UBR3: variants seen among roughly 807,000 people sequenced by gnomAD.
UBR3 encodes the protein E3 ubiquitin-protein ligase UBR3.
UBR3 carries 85 observed loss-of-function variants against 243.2 expected under a neutral mutation model. The observed-to-expected ratio is 0.35, with a 90% CI of 0.29 to 0.42. The LOEUF (loss-of-function observed/expected upper bound fraction) is 0.42. UBR3 is among the 10% of genes least tolerant of loss of function. The probability of loss-of-function intolerance (pLI) is 1.00; values close to 1 mark genes in which losing one functional copy is unlikely to be tolerated. For missense variants in UBR3, 1,686 were observed against 2,300.8 expected (o/e 0.73, Z 5.47); for synonymous variants, 748 against 799.8 (o/e 0.94, Z 1.09).
chr2:170,058,337 A>C (rs978157738), intron 33 of UBR3, among the ~76,000 whole-genome samples: 4 of 152,032 alleles, frequency 2.6e-5, no homozygotes, highest in Non-Finnish European at 4.4e-5. Flanking sequence ...ATATTATTTG[A>C]AGGGGTGTTA....
intron 24 of UBR3, among the ~76,000 whole-genome samples, chr2:169,961,237 A>G (rs1468496720): frequency 1.3e-4 from 19 of 151,998 alleles, no homozygotes; most frequent in African/African-American, 7.3e-5. Flanking sequence ...CCTTATAGCT[A>G]TTACCTTAGG....
intron 32 of UBR3, among the ~76,000 whole-genome samples, chr2:170,042,664 G>A (rs1326974568): frequency 6.8e-6 from 1 of 147,652 alleles, no homozygotes; most frequent in Admixed American, 6.8e-5. Context: ...ACTCTAGCCT[G>A]GGTGACAGAA....
At position 170,061,303 on chromosome 2, in the gene UBR3, C is replaced by G. The variant is rs1416190416; in HGVS notation, c.4894-15C>G. On this transcript the variant is annotated splice_polypyrimidine_tract_variant and intron_variant, in intron 34 of 38. Coordinates refer to ENST00000272793, the MANE Select transcript of UBR3 (RefSeq NM_172070.4). The stretch of plus-strand genomic sequence containing the variant: ...TTGTAGACTGACTTGTTCAAATTTT[C>G]TTTTTTAACTTTAGGTTAACCCTAT... 1.9e-6 allele frequency: 3 copies of G among 1,607,834 alleles called. No homozygotes were observed. The highest frequency in any genetic ancestry group is 2.5e-6 in the Non-Finnish European group (3 of 1,178,340).
At position 169,856,135 on chromosome 2, in the gene UBR3, C is replaced by T. The variant is rs536568049; in HGVS notation, c.546-16101C>T. ...TCAGACGGGGGCAGCCGGTCAGAGA[C>T]GCTCCTCACCTCCCAGACGGGGTGG... On this transcript the variant is annotated intron_variant, in intron 1 of 38. Transcript: ENST00000272793. Among the ~76,000 whole-genome samples the T allele has an allele frequency of 4.7e-4, 69 of 146,780 alleles. 1 individual carries two copies. The highest frequency in any genetic ancestry group is 1.5e-3 in the African/African-American group (58 of 39,142).
At chr2:169,905,361 A>C in intron 9 of UBR3, 68 bp downstream of exon 9, 2 of 1,223,122 alleles carry the variant, frequency 1.6e-6, no homozygotes, top group Non-Finnish European at 2.2e-6. Flanking sequence ...ATTAAATATC[A>C]ATTAAAATAC....
At chr2:170,024,620 T>G (rs966076813) in intron 30 of UBR3, among the ~76,000 whole-genome samples, 2 of 151,840 alleles carry the variant, frequency 1.3e-5, no homozygotes, top group Non-Finnish European at 2.9e-5. Context: ...TTTTATAGAG[T>G]TTTTTTATGT....
At chr2:170,041,353 G>T (rs1016063282) in intron 32 of UBR3, among the ~76,000 whole-genome samples, 1 of 152,126 alleles carries the variant, frequency 6.6e-6, no homozygotes, top group Admixed American at 6.6e-5. Context: ...TCACTAAGAG[G>T]TAAAGACATG....
chr2:170,058,305 G>A (rs1298325916), intron 33 of UBR3, among the ~76,000 whole-genome samples: 1 of 152,012 alleles, frequency 6.6e-6, no homozygotes, highest in East Asian at 1.9e-4. Flanking sequence ...CTGGCCTATG[G>A]TAGTAAAAAT....
intron 32 of UBR3, among the ~76,000 whole-genome samples, chr2:170,049,115 AT>A (rs2105438006): frequency 6.6e-6 from 1 of 152,122 alleles, no homozygotes; most frequent in East Asian, 1.9e-4. Flanking sequence ...CACTGCACAT[AT>A]TTTTTGATTT....
At chr2:170,033,552 C>T (rs868446050) in intron 31 of UBR3, among the ~76,000 whole-genome samples, 5 of 139,542 alleles carry the variant, frequency 3.6e-5, no homozygotes, top group Non-Finnish European at 7.6e-5. Flanking sequence ...TAGGAATTTC[C>T]GGAAAATTTG....
At chr2:170,020,379 G>C (rs973391571) in intron 30 of UBR3, among the ~76,000 whole-genome samples, 1 of 152,150 alleles carries the variant, frequency 6.6e-6, no homozygotes, top group Non-Finnish European at 1.5e-5. Flanking sequence ...AATGTTTTAT[G>C]TTCTGAAGAG....
At chr2:169,942,943 A>T (rs2086646982) in intron 20 of UBR3, among the ~76,000 whole-genome samples, 1 of 152,158 alleles carries the variant, frequency 6.6e-6, no homozygotes, top group South Asian at 2.1e-4. Context: ...AGCTACAGGG[A>T]CCAAACAACC....
chr2:169,894,464 T>A (rs10211284), intron 6 of UBR3, among the ~76,000 whole-genome samples: 26,995 of 151,896 alleles, frequency 0.18, 2,650 homozygotes, highest in East Asian at 0.37. Flanking sequence ...TTTCTGTAGT[T>A]AAAATCATAA....
rs67099094 is a variant in UBR3 at position 169,933,880 on chromosome 2, T to TAAC, written c.2663+897_2663+899dup. ...AAAACCAAAACGATCTTTAAATCAATAACAACAACAACAACAACAACAACA... is the reference window on the plus strand; with the variant it reads ...AAAACCAAAACGATCTTTAAATCAATAACAACAACAACAACAACAACAACAACA... On this transcript the variant is annotated intron_variant, in intron 19 of 38. Transcript: ENST00000272793. Among the ~76,000 whole-genome samples, 1,350 of 151,378 alleles carry TAAC rather than the reference T, an allele frequency of 8.9e-3. 9 individuals carry two copies. The highest frequency in any genetic ancestry group is 0.018 in the East Asian group (92 of 5,130).
At chr2:169,987,291 C>A (rs934792179) in intron 25 of UBR3, among the ~76,000 whole-genome samples, 1 of 150,794 alleles carries the variant, frequency 6.6e-6, no homozygotes, top group Non-Finnish European at 1.5e-5. Context: ...TATTTGGGAG[C>A]CTGAGGCAGG....
chr2:169,913,948 CTA>C, intron 10 of UBR3, 110 bp from the exon 11 acceptor site: 2 of 412,306 alleles, frequency 4.9e-6, no homozygotes, highest in East Asian at 8.9e-5. Context: ...ATCTTAAAAT[CTA>C]TACATTTTAC....
At chr2:170,023,393 T>C (rs2090442637) in intron 30 of UBR3, among the ~76,000 whole-genome samples, 1 of 145,816 alleles carries the variant, frequency 6.9e-6, no homozygotes, top group Non-Finnish European at 1.5e-5. Context: ...CGATTTAAGA[T>C]AGAACCAATT....
intron 28 of UBR3, among the ~76,000 whole-genome samples, chr2:170,007,795 C>T (rs1393315502): frequency 2.0e-5 from 3 of 151,974 alleles, no homozygotes; most frequent in East Asian, 1.9e-4. Flanking sequence ...ACCCAGGAGC[C>T]GGAGGTTGCA....
At chr2:170,003,703 C>G (rs867876835) in intron 27 of UBR3, among the ~76,000 whole-genome samples, 1 of 151,976 alleles carries the variant, frequency 6.6e-6, no homozygotes, top group Non-Finnish European at 1.5e-5. Flanking sequence ...TGCAGTGGCG[C>G]GATCTCGGCT....
Sources: allele counts gnomAD v4.1 joint callset (sites outside exome capture counted in the v4.1 genomes callset), GRCh38; gene constraint gnomAD v4.1.1; transcripts MANE v1.5; gene names NCBI Gene and HGNC (gene_info 2026-07-23, HGNC 2026-07-21).